The following METAP2 variants were observed in gnomAD, a reference collection of about 807,000 sequenced individuals.
METAP2 encodes methionine aminopeptidase 2.
In METAP2, 25 loss-of-function variants were observed where a neutral mutation model predicts 59.4. The observed-to-expected ratio is 0.42, with a 90% confidence interval of 0.31 to 0.59. METAP2 has a LOEUF of 0.59. Ranked by LOEUF, METAP2 falls within the 20% of genes least tolerant of loss-of-function variation. The probability of loss-of-function intolerance (pLI) is 0.16; values close to 1 mark genes in which losing one functional copy is unlikely to be tolerated. For missense variants in METAP2, 366 were observed against 581.2 expected (o/e 0.63, Z 3.81); for synonymous variants, 214 against 194.1 (o/e 1.10, Z -0.85).
chr12:95,475,694 C>G (rs1329860611), intron 1 of METAP2, among the ~76,000 whole-genome samples: 1 of 152,114 alleles, frequency 6.6e-6, no homozygotes, highest in Non-Finnish European at 1.5e-5. Flanking sequence ...CCAGGCTGCC[C>G]CGGGGTGTTG....
At chr12:95,496,127 C>A in intron 7 of METAP2, 29 bp downstream of exon 7, 1 of 1,429,866 alleles carries the variant, frequency 7.0e-7, no homozygotes, top group Non-Finnish European at 9.7e-7. Flanking sequence ...CCATTTCATT[C>A]CCAATATTTT....
In METAP2 at chr12:95,497,214, A is replaced by G. The variant is rs191051981; in HGVS notation, c.867+1116A>G. ...TTCTTCTCTGTTTACTCTTCATGTT[A>G]TAAAACTGAAACTCTATACTCATTA... On this transcript the variant is annotated intron_variant, in intron 7 of 10. Coordinates refer to ENST00000323666, the MANE Select transcript of METAP2 (RefSeq NM_006838.4). Among the ~76,000 whole-genome samples the G allele has an allele frequency of 1.5e-3, 234 of 152,296 alleles. 1 individual carries two copies. The highest frequency in any genetic ancestry group is 5.1e-3 in the Admixed American group (78 of 15,300).
intron 7 of METAP2, among the ~76,000 whole-genome samples, chr12:95,501,531 G>T (rs906537373): frequency 2.8e-4 from 43 of 152,146 alleles, no homozygotes; most frequent in African/African-American, 1.0e-3. Context: ...TCTGGCCAAC[G>T]TGGTGAAACC....
chr12:95,504,356 A>G (rs1015425913), intron 8 of METAP2, among the ~76,000 whole-genome samples, 195 bp downstream of exon 8: 1 of 152,210 alleles, frequency 6.6e-6, no homozygotes, highest in Non-Finnish European at 1.5e-5. Context: ...CTGTTAGCTG[A>G]TAAGAAAACA....
In METAP2 at chr12:95,513,778, C is replaced by T; in HGVS notation, c.1311C>T (p.Asp437=). ...TGATGGCTCTGAAGAATCTGTGTGA[C>T]TTGGGCATTGTAGATCCATATCCAC... is the stretch of plus-strand genomic sequence containing the variant. ...KYLMALKNLC[D]LGIVDPYPPL... The change falls in exon 11 of 11, where the codon GAC becomes GAT. Residue 437 remains aspartate (D), a synonymous_variant. Coordinates refer to ENST00000323666, the MANE Select transcript of METAP2 (RefSeq NM_006838.4). 6.2e-7 allele frequency: 1 copy of T among 1,614,196 alleles called. No homozygotes were observed. Among genetic ancestry groups the T allele is most frequent in the Non-Finnish European group, 8.5e-7 (1 of 1,180,036 alleles).
At position 95,513,989 on chromosome 12, in the gene METAP2, CTGTTT is replaced by C; in HGVS notation, c.*87_*91del. ...CCAGAATTAATTTGCCACATGTTGT[CTGTTT>C]TAACAGTGGACCCATGTAATACTTT... On this transcript the variant is annotated 3_prime_UTR_variant, in exon 11 of 11. Coordinates refer to ENST00000323666, the MANE Select transcript of METAP2 (RefSeq NM_006838.4). 2.1e-6 allele frequency: 3 copies of C among 1,449,644 alleles called. No individual in the cohort carries two copies. The highest frequency in any genetic ancestry group is 2.3e-5 in the East Asian group (1 of 43,708). 89.8% of individuals were successfully genotyped at this position (1,449,644 alleles called of 1,614,324 possible).
chr12:95,474,190 T>G lies in METAP2; in HGVS notation c.11T>G (p.Val4Gly), dbSNP rs201904127. MAG[V>G]EEVAASGSHL... Reference sequence around the variant, plus strand: ...GCTCTCTCGGGCAACATGGCGGGTGTGGAGGAGGTAGCGGCCTCCGGGAGC... The same window carrying G: ...GCTCTCTCGGGCAACATGGCGGGTGGGGAGGAGGTAGCGGCCTCCGGGAGC... The change falls in exon 1 of 11, where the codon GTG becomes GGG. Residue 4 changes from valine to glycine, a missense_variant. Transcript: ENST00000323666. The G allele has an allele frequency of 6.3e-5, 102 of 1,613,448 alleles. No individual in the cohort carries two copies. The East Asian group carries it at 2.1e-3, about 33-fold the overall frequency.
chr12:95,486,774 G>A (rs1437598032), intron 4 of METAP2, among the ~76,000 whole-genome samples: 2 of 152,156 alleles, frequency 1.3e-5, no homozygotes, highest in African/African-American at 4.8e-5. Flanking sequence ...TGGGATTACA[G>A]GCATGAGCCA....
At chr12:95,509,826 T>C (rs1389522252) in intron 8 of METAP2, among the ~76,000 whole-genome samples, 1 of 151,708 alleles carries the variant, frequency 6.6e-6, no homozygotes, top group Non-Finnish European at 1.5e-5. Context: ...AGTTAAATTT[T>C]TTTAAGACCT....
chr12:95,478,482 A>G (rs866238136), intron 2 of METAP2, among the ~76,000 whole-genome samples: 4 of 152,210 alleles, frequency 2.6e-5, no homozygotes, highest in Non-Finnish European at 5.9e-5. Flanking sequence ...AATACAAAAA[A>G]TTAGCCAGGT....
intron 4 of METAP2, among the ~76,000 whole-genome samples, chr12:95,490,243 A>T (rs1308187204): frequency 6.6e-6 from 1 of 150,560 alleles, no homozygotes; most frequent in African/African-American, 2.4e-5. Context: ...TTGGGATTAC[A>T]GGCGTGTGCC....
chr12:95,479,983 A>G (rs1013650540), intron 2 of METAP2, among the ~76,000 whole-genome samples: 50 of 152,202 alleles, frequency 3.3e-4, no homozygotes, highest in Non-Finnish European at 1.8e-4. Flanking sequence ...TACTACCACG[A>G]CGGAAGATAC....
At chr12:95,474,547 CT>C (rs113171652) in intron 1 of METAP2, among the ~76,000 whole-genome samples, 3 of 152,306 alleles carry the variant, frequency 2.0e-5, no homozygotes, top group African/African-American at 7.2e-5. Context: ...AAAAGAGTGC[CT>C]GAGGTTGGCG....
intron 7 of METAP2, among the ~76,000 whole-genome samples, chr12:95,498,554 A>C (rs2076292222): frequency 6.6e-6 from 1 of 152,128 alleles, no homozygotes; most frequent in Non-Finnish European, 1.5e-5. Context: ...TAAGGTATTT[A>C]TAGTTTCAGG....
intron 8 of METAP2, among the ~76,000 whole-genome samples, chr12:95,509,847 CTTTTTTTTTT>C (rs1210964780): frequency 7.6e-6 from 1 of 131,634 alleles, no homozygotes; most frequent in Non-Finnish European, 1.6e-5. Flanking sequence ...CCCCCCCAAC[CTTTTTTTTTT>C]TTTTTTTTTG....
intron 4 of METAP2, among the ~76,000 whole-genome samples, chr12:95,489,618 A>C (rs2076222543): frequency 6.6e-6 from 1 of 152,252 alleles, no homozygotes; most frequent in African/African-American, 2.4e-5. Flanking sequence ...AATTGAATGA[A>C]TTATCACAAC....
chr12:95,495,659 T>C lies in METAP2; in HGVS notation c.773-345T>C, dbSNP rs1213711200. 2.0e-5 allele frequency among the ~76,000 whole-genome samples: 3 copies of C among 152,174 alleles called. No individual in the cohort carries two copies. In the East Asian group the frequency reaches 5.8e-4, roughly 29 times the overall value. On this transcript the variant is annotated intron_variant, in intron 6 of 10. Coordinates refer to ENST00000323666, the MANE Select transcript of METAP2 (RefSeq NM_006838.4). Reference sequence around the variant, plus strand: ...GTAAAAGTATATTCAGAGCCCTGTATACTTTCTCTGCCCTGCGTTACTATT... The same window carrying C: ...GTAAAAGTATATTCAGAGCCCTGTACACTTTCTCTGCCCTGCGTTACTATT...
intron 8 of METAP2, among the ~76,000 whole-genome samples, chr12:95,504,454 C>T (rs2076341947): frequency 6.6e-6 from 1 of 152,104 alleles, no homozygotes; most frequent in South Asian, 2.1e-4. Context: ...AGGTCTCTTG[C>T]CATTGATGAC....
rs768119016 is a variant in METAP2, at chr12:95,512,702, C to G, written c.1069-99C>G. The G allele has an allele frequency of 3.2e-5, 22 of 683,436 alleles. No individual in the cohort carries two copies. The Admixed American group carries it at 3.4e-4, about 11-fold the overall frequency. The allele number at this position is 683,436 out of a possible 1,614,324, so 42.3% of individuals were successfully genotyped here. A position where few individuals can be genotyped will look rare whatever the true frequency, so the allele number is the denominator to read the frequency against. ...ACTCCAGCCTGGCAGCAGAGAGAGA[C>G]TCTGTCTCAAAAAGAGAGAGAGAGA... is the stretch of plus-strand genomic sequence containing the variant. On this transcript the variant is annotated intron_variant, in intron 9 of 10. Coordinates refer to ENST00000323666, the MANE Select transcript of METAP2 (RefSeq NM_006838.4).
Sources: allele counts gnomAD v4.1 joint callset (sites outside exome capture counted in the v4.1 genomes callset), GRCh38; gene constraint gnomAD v4.1.1; transcripts MANE v1.5; gene names NCBI Gene and HGNC (gene_info 2026-07-23, HGNC 2026-07-21).